Variants in NEK1 observed in about 807,000 individuals in gnomAD.
NEK1 encodes the protein serine/threonine-protein kinase Nek1.
In NEK1, 137 loss-of-function variants were observed where a neutral mutation model predicts 182.1. That is an observed-to-expected ratio of 0.75 (90% CI 0.65 to 0.87). NEK1 has a LOEUF of 0.87. Among genes scored for constraint, NEK1 ranks in the 40% least tolerant of loss-of-function variants. The pLI is 0.00. For synonymous variants in NEK1, 513 were observed against 492.2 expected (o/e 1.04, Z -0.56); for missense variants, 1,391 against 1,494.4 (o/e 0.93, Z 1.14).
At chr4:169,406,863 A>C in intron 31 of NEK1, 116 bp from the exon 32 acceptor site, 2 of 674,194 alleles carry the variant, frequency 3.0e-6, no homozygotes, top group Non-Finnish European at 4.5e-6. Context: ...TAACATATAA[A>C]AAGTTTTTTT....
At chr4:169,597,887 T>C (rs1769823722) in intron 5 of NEK1, among the ~76,000 whole-genome samples, 1 of 151,994 alleles carries the variant, frequency 6.6e-6, no homozygotes. Flanking sequence ...TGAGTCGAGA[T>C]TGTGCCACTC....
chr4:169,502,847 T>C (rs1459526883), intron 23 of NEK1, among the ~76,000 whole-genome samples: 2 of 152,056 alleles, frequency 1.3e-5, no homozygotes, highest in African/African-American at 4.8e-5. Context: ...TTCTTAGCAA[T>C]CCTATTCAAC....
intron 19 of NEK1, among the ~76,000 whole-genome samples, chr4:169,521,718 A>G (rs1446030921): frequency 1.3e-5 from 2 of 152,202 alleles, no homozygotes; most frequent in Non-Finnish European, 2.9e-5. Context: ...GATTGATAGT[A>G]CTTTTTCTTC....
intron 27 of NEK1, among the ~76,000 whole-genome samples, chr4:169,461,659 T>C (rs1743993426): frequency 6.6e-6 from 1 of 152,154 alleles, no homozygotes; most frequent in Non-Finnish European, 1.5e-5. Context: ...AGTAAATGTA[T>C]TTGGGAGAAA....
intron 2 of NEK1, among the ~76,000 whole-genome samples, chr4:169,608,479 A>G (rs1771765758): frequency 6.6e-6 from 1 of 152,236 alleles, no homozygotes; most frequent in Non-Finnish European, 1.5e-5. Context: ...AAAGCATAAT[A>G]GTAATAAAAT....
At chr4:169,541,011 T>C (rs1759324356) in intron 18 of NEK1, among the ~76,000 whole-genome samples, 1 of 152,068 alleles carries the variant, frequency 6.6e-6, no homozygotes, top group African/African-American at 2.4e-5. Flanking sequence ...TCAAATTCTT[T>C]ACTGATAAAG....
intron 20 of NEK1, 39 bp from the exon 21 acceptor site, chr4:169,508,370 G>A: frequency 6.8e-7 from 1 of 1,468,798 alleles, no homozygotes. Flanking sequence ...TAATGTAAAA[G>A]CAAAGCTATT....
chr4:169,523,279 A>C (rs1347535064), intron 19 of NEK1, among the ~76,000 whole-genome samples: 1 of 152,208 alleles, frequency 6.6e-6, no homozygotes, highest in African/African-American at 2.4e-5. Flanking sequence ...CATATGTTGA[A>C]GTCTCAAACC....
At chr4:169,569,829 TC>T (rs1283833306) in intron 12 of NEK1, among the ~76,000 whole-genome samples, 1 of 152,182 alleles carries the variant, frequency 6.6e-6, no homozygotes, top group Non-Finnish European at 1.5e-5. Flanking sequence ...AGTGTCGTGA[TC>T]TCGGCTCGCT....
At chr4:169,396,153 G>A (rs1730649855) in intron 35 of NEK1, among the ~76,000 whole-genome samples, 1 of 151,848 alleles carries the variant, frequency 6.6e-6, no homozygotes. Flanking sequence ...ATCACCTGAG[G>A]TCAGGAGTTT....
chr4:169,603,895 G>A lies in NEK1; in HGVS notation c.-48-1217C>T, dbSNP rs183983395. 3.8e-3 allele frequency among the ~76,000 whole-genome samples: 571 copies of A among 152,034 alleles called. 6 individuals carry two copies. The highest frequency in any genetic ancestry group is 0.012 in the African/African-American group (510 of 41,478). ...TAATTTTTGTATTTTTAGTAGAGAC[G>A]GGGTTTCGCCATGTTGGCTGGTCTT... On this transcript the variant is annotated intron_variant, in intron 2 of 35. Coordinates refer to ENST00000507142, the MANE Select transcript of NEK1 (RefSeq NM_001199397.3).
At chr4:169,483,082 G>C (rs1748385835) in intron 23 of NEK1, among the ~76,000 whole-genome samples, 1 of 152,236 alleles carries the variant, frequency 6.6e-6, no homozygotes, top group African/African-American at 2.4e-5. Flanking sequence ...TGACAGACAT[G>C]CAACTCTTTT....
At chr4:169,440,530 C>T (rs539484088) in intron 27 of NEK1, among the ~76,000 whole-genome samples, 1 of 152,144 alleles carries the variant, frequency 6.6e-6, no homozygotes, top group South Asian at 2.1e-4. Context: ...CAAAGAAGTA[C>T]AAAACAGCAA....
At chr4:169,448,807 G>A (rs1741090259) in intron 27 of NEK1, among the ~76,000 whole-genome samples, 1 of 152,226 alleles carries the variant, frequency 6.6e-6, no homozygotes, top group Admixed American at 6.5e-5. Flanking sequence ...GGACTGGTTG[G>A]ACAGTGGGTG....
intron 27 of NEK1, among the ~76,000 whole-genome samples, chr4:169,453,805 G>A (rs1022047731): frequency 2.0e-5 from 3 of 152,052 alleles, no homozygotes; most frequent in Admixed American, 1.3e-4. Context: ...ATCTCTGTTC[G>A]GGGCTCTCAG....
intron 27 of NEK1, among the ~76,000 whole-genome samples, chr4:169,440,849 G>A (rs1739312595): frequency 6.6e-6 from 1 of 152,170 alleles, no homozygotes; most frequent in Non-Finnish European, 1.5e-5. Flanking sequence ...TTATTCTAGA[G>A]AGGAAGTTTG....
At chr4:169,397,536 G>A (rs1730935640) in intron 35 of NEK1, among the ~76,000 whole-genome samples, 2 of 152,000 alleles carry the variant, frequency 1.3e-5, no homozygotes, top group Non-Finnish European at 2.9e-5. Context: ...AAGAGTTTTA[G>A]AAAAGATTGC....
At chr4:169,439,414 T>G (rs992054666) in intron 27 of NEK1, among the ~76,000 whole-genome samples, 1 of 152,218 alleles carries the variant, frequency 6.6e-6, no homozygotes, top group Non-Finnish European at 1.5e-5. Context: ...TTCTTTCTAG[T>G]CAACAGAGAA....
intron 12 of NEK1, among the ~76,000 whole-genome samples, chr4:169,574,600 C>T (rs999507058): frequency 6.7e-6 from 1 of 148,236 alleles, no homozygotes; most frequent in Non-Finnish European, 1.5e-5. Flanking sequence ...GAGGGAGACT[C>T]CACCTCAAAA....
Sources: gnomAD v4.1 joint callset for allele counts (sites outside exome capture counted in the v4.1 genomes callset) on GRCh38, gnomAD v4.1.1 for gene constraint, MANE v1.5 for transcripts, NCBI Gene and HGNC (gene_info 2026-07-23, HGNC 2026-07-21) for gene names.